Variants in TENM2 observed in about 807,000 individuals in gnomAD.
TENM2 encodes teneurin transmembrane protein 2.
Under a neutral mutation model 245.2 loss-of-function variants are expected in TENM2, and 52 were observed. The ratio of observed to expected loss-of-function variants is 0.21; its 90% CI spans 0.17 to 0.27. The LOEUF (loss-of-function observed/expected upper bound fraction) is 0.27, where lower values mean the gene tolerates loss of function less well. Among genes scored for constraint, TENM2 ranks in the 10% least tolerant of loss-of-function variants. The probability of loss-of-function intolerance (pLI) is 1.00; values close to 1 mark genes in which losing one functional copy is unlikely to be tolerated. For missense variants in TENM2, 3,046 were observed against 3,666.8 expected, an observed-to-expected ratio of 0.83 and a Z score of 4.37; for synonymous variants, 1,363 against 1,438.9, an observed-to-expected ratio of 0.95 and a Z score of 1.19.
the TENM2 span, among the ~76,000 whole-genome samples, chr5:167,241,551 C>G: frequency 6.6e-6 from 1 of 152,126 alleles, no homozygotes; most frequent in Admixed American, 6.5e-5. Context: ...ACGATATAAT[C>G]AAGGAACTGA....
chr5:167,968,729 A>T lies in TENM2; in HGVS notation c.947+15907A>T, dbSNP rs138077225. Among the ~76,000 whole-genome samples, 8 of 152,284 alleles carry T rather than the reference A, an allele frequency of 5.3e-5. No homozygotes were observed. In the East Asian group the frequency reaches 9.7e-4, roughly 18 times the overall value. On this transcript the variant is annotated intron_variant, in intron 4 of 28. Transcript: ENST00000518659. ...ACTTTCTTATTTCTTATCAACGCAG[A>T]TCCTCTCCACTATACTTGGGGACAT...
intron 2 of TENM2, among the ~76,000 whole-genome samples, chr5:167,538,257 AATC>A (rs1313376865): frequency 1.3e-5 from 2 of 152,268 alleles, no homozygotes; most frequent in Non-Finnish European, 2.9e-5. Context: ...GATTTCAAAT[AATC>A]GAGACATACT....
the TENM2 span, among the ~76,000 whole-genome samples, chr5:167,275,803 A>G: frequency 6.6e-6 from 1 of 152,058 alleles, no homozygotes; most frequent in Non-Finnish European, 1.5e-5. Flanking sequence ...GTCATCTGTA[A>G]ACAGGGAAAG....
chr5:167,913,170 C>G (rs1459340296), intron 3 of TENM2, among the ~76,000 whole-genome samples: 2 of 152,184 alleles, frequency 1.3e-5, no homozygotes, highest in Admixed American at 1.3e-4. Flanking sequence ...GTTGGTGGAC[C>G]ATTTTAACTC....
rs1263396830 is a variant in TENM2 at position 167,513,049 on chromosome 5, G to A, written c.502+137576G>A. Among the ~76,000 whole-genome samples, 5 of 152,166 alleles carry A rather than the reference G, an allele frequency of 3.3e-5. No individual in the cohort carries two copies. In the East Asian group the frequency reaches 9.6e-4, roughly 29 times the overall value. On this transcript the variant is annotated intron_variant, in intron 2 of 28. Coordinates refer to ENST00000518659, the Ensembl canonical transcript of TENM2. ...GATATGATTTTATTGTGGAAGAGTT[G>A]AAACACAAAGGTTTCCCCAAAGTCT...
At chr5:168,199,094 C>T (rs893311256) in exon 16 of TENM2, 3 of 1,612,428 alleles carry the variant, frequency 1.9e-6, no homozygotes, top group Non-Finnish European at 8.5e-7. Context: ...TGGGCAGAAT[C>T]CCATCGTGCC....
intron 2 of TENM2, among the ~76,000 whole-genome samples, chr5:167,496,967 A>G (rs541621251): frequency 2.6e-5 from 4 of 152,260 alleles, no homozygotes; most frequent in Admixed American, 6.5e-5. Context: ...AAGTATTTGC[A>G]TAATTAGAAT....
intron 2 of TENM2, among the ~76,000 whole-genome samples, chr5:167,817,551 TTAGA>T (rs1452307337): frequency 1.3e-5 from 2 of 152,202 alleles, no homozygotes; most frequent in East Asian, 1.9e-4. Flanking sequence ...ATCAAAACCA[TTAGA>T]TAGTTAGATG....
rs572449237 is a variant in TENM2, at chr5:168,093,156, A to C, written c.1711+2387A>C. On this transcript the variant is annotated intron_variant, in intron 8 of 28. Coordinates refer to ENST00000518659, the Ensembl canonical transcript of TENM2. ...AAATCCTTTTCCCTCTAAACTTAGCACCTTTTCTGGGGTTCGGATTATTTC... is the reference window on the plus strand; with the variant it reads ...AAATCCTTTTCCCTCTAAACTTAGCCCCTTTTCTGGGGTTCGGATTATTTC... Among the ~76,000 whole-genome samples the C allele has an allele frequency of 4.7e-4, 72 of 152,168 alleles. 4 individuals are homozygous for C. In the South Asian group the frequency reaches 0.014, roughly 30 times the overall value.
At chr5:168,066,778 T>G (rs1030524680) in intron 7 of TENM2, among the ~76,000 whole-genome samples, 8 of 152,200 alleles carry the variant, frequency 5.3e-5, no homozygotes, top group African/African-American at 1.9e-4. Context: ...GGAAGCCTAA[T>G]GTGCCTTGCC....
intron 1 of TENM2, among the ~76,000 whole-genome samples, chr5:167,295,471 C>T (rs762564033): frequency 2.6e-5 from 4 of 152,156 alleles, no homozygotes; most frequent in Non-Finnish European, 1.5e-5. Context: ...GGATGCCTTT[C>T]TGACCAGAAC....
Position 167,488,245 on chromosome 5 carries a change from T to A in TENM2, c.502+112772T>A, listed in dbSNP as rs1020739804. On this transcript the variant is annotated intron_variant, in intron 2 of 28. Transcript: ENST00000518659. ...CGATTCTTGATCCCACTTTCTCTGCTAAAAATGACCCTAACTCTTCCCTTT... is the reference window on the plus strand; with the variant it reads ...CGATTCTTGATCCCACTTTCTCTGCAAAAAATGACCCTAACTCTTCCCTTT... 1.6e-4 allele frequency among the ~76,000 whole-genome samples: 25 copies of A among 152,302 alleles called. No individual in the cohort carries two copies. The East Asian group carries it at 1.9e-3, about 12-fold the overall frequency.
intron 12 of TENM2, among the ~76,000 whole-genome samples, chr5:168,162,365 GC>G (rs1405894360): frequency 6.6e-6 from 1 of 152,216 alleles, no homozygotes; most frequent in Non-Finnish European, 1.5e-5. Context: ...TGAACTCCCC[GC>G]TTTGGGAAGG....
rs201027394 is a variant in TENM2, at chr5:167,744,310, G to GT, written c.503-131675dup. 5.9e-5 allele frequency among the ~76,000 whole-genome samples: 9 copies of GT among 152,268 alleles called. No individual in the cohort carries two copies. In the East Asian group the frequency reaches 1.7e-3, roughly 29 times the overall value. On this transcript the variant is annotated intron_variant, in intron 2 of 28. Transcript: ENST00000518659. Reference sequence around the variant, plus strand: ...GAGATCCCCATCCTTCCTCACTGCTGTATCTTGATGACAGTCAACATCTCT... The same window carrying GT: ...GAGATCCCCATCCTTCCTCACTGCTGTTATCTTGATGACAGTCAACATCTCT...
chr5:167,839,406 C>T (rs369543320), intron 2 of TENM2, among the ~76,000 whole-genome samples: 14 of 152,132 alleles, frequency 9.2e-5, no homozygotes, highest in East Asian at 1.9e-4. Context: ...AACAGTAAAT[C>T]GGTGAACCTG....
At chr5:167,344,890 G>T (rs970573717) in intron 1 of TENM2, among the ~76,000 whole-genome samples, 1 of 152,132 alleles carries the variant, frequency 6.6e-6, no homozygotes, top group African/African-American at 2.4e-5. Context: ...GTGAAGGTGG[G>T]TAAAGAATGC....
chr5:168,241,438 T>C (rs2152679682), intron 25 of TENM2, among the ~76,000 whole-genome samples: 1 of 151,558 alleles, frequency 6.6e-6, no homozygotes, highest in East Asian at 1.9e-4. Context: ...TTTTTTTTTT[T>C]TTTAGTAGAC....
chr5:167,663,317 A>G (rs762432784), intron 2 of TENM2, among the ~76,000 whole-genome samples: 59 of 152,308 alleles, frequency 3.9e-4, no homozygotes, highest in Non-Finnish European at 7.8e-4. Context: ...TGTTTGTCTA[A>G]AAAATACTTA....
intron 2 of TENM2, among the ~76,000 whole-genome samples, chr5:167,450,787 G>C (rs1489926898): frequency 6.6e-6 from 1 of 152,044 alleles, no homozygotes; most frequent in Admixed American, 6.6e-5. Context: ...GCTCAGTTTA[G>C]TTTTCATGAC....
Sources: gnomAD v4.1 joint callset for allele counts (sites outside exome capture counted in the v4.1 genomes callset) on GRCh38, gnomAD v4.1.1 for gene constraint, MANE v1.5 for transcripts, NCBI Gene and HGNC (gene_info 2026-07-23, HGNC 2026-07-21) for gene names.